The following PLEKHA2 variants were observed in gnomAD, a reference collection of about 807,000 sequenced individuals.
The protein encoded by PLEKHA2 is pleckstrin homology domain-containing family A member 2.
Under a neutral mutation model 53.2 loss-of-function variants are expected in PLEKHA2, and 28 were observed. The observed-to-expected ratio is 0.53, with a 90% CI of 0.39 to 0.72. The LOEUF is 0.72. Ranked by LOEUF, PLEKHA2 falls within the 30% of genes least tolerant of loss-of-function variation. PLEKHA2 has a pLI of 0.00. For synonymous variants in PLEKHA2, 193 were observed against 196.4 expected (o/e 0.98, Z 0.14); for missense variants, 426 against 537.9 (o/e 0.79, Z 2.06).
chr8:38,921,960 T>C (rs1834202356), intron 2 of PLEKHA2, among the ~76,000 whole-genome samples: 1 of 152,258 alleles, frequency 6.6e-6, no homozygotes, highest in African/African-American at 2.4e-5. Context: ...GAGCATTTAT[T>C]ACTGTGTGCC....
intron 1 of PLEKHA2, among the ~76,000 whole-genome samples, chr8:38,908,737 T>C (rs951251835): frequency 6.6e-6 from 1 of 152,242 alleles, no homozygotes; most frequent in Non-Finnish European, 1.5e-5. Flanking sequence ...TTCATATCTT[T>C]TAAAAAACTT....
chr8:38,930,575 A>G (rs1588248978), intron 2 of PLEKHA2, among the ~76,000 whole-genome samples: 1 of 152,206 alleles, frequency 6.6e-6, no homozygotes, highest in Non-Finnish European at 1.5e-5. Flanking sequence ...GAAGTCCACC[A>G]AATGTACAGA....
At position 38,969,435 on chromosome 8, in the gene PLEKHA2, T is replaced by C. The variant is rs1333374971; in HGVS notation, c.930T>C (p.Ser310=). 5 of 1,611,706 alleles carry C rather than the reference T, an allele frequency of 3.1e-6. No individual in the cohort carries two copies. In the South Asian group the frequency reaches 4.4e-5, roughly 14 times the overall value. Residue 310 remains serine (S), a synonymous_variant, in exon 12 of 12, where the codon TCT becomes TCC. Transcript: ENST00000617275. The part of the protein sequence containing the change: ...LKCHPRETSF[S]RSISLTRPGS... ...TATTTTTATAGGAAACGTCCTTTTC[T>C]AGATCCATTTCTTTGACCCGACCTG...
chr8:38,955,736 A>T (rs1297165756), intron 9 of PLEKHA2, among the ~76,000 whole-genome samples: 1 of 152,174 alleles, frequency 6.6e-6, no homozygotes, highest in East Asian at 1.9e-4. Flanking sequence ...CATAAAGCCA[A>T]CCCCACCTGT....
intron 11 of PLEKHA2, chr8:38,969,052 C>G (rs1415507688): frequency 9.7e-6 from 3 of 309,580 alleles, no homozygotes; most frequent in Non-Finnish European, 1.8e-5. Context: ...GCACGTGCCA[C>G]CACGCCCAGC....
At chr8:38,916,841 T>C (rs60626464) in intron 1 of PLEKHA2, among the ~76,000 whole-genome samples, 129,254 of 152,156 alleles carry the variant, frequency 0.85, 54,955 homozygotes, top group Admixed American at 0.87. Flanking sequence ...TTTTGAGGAA[T>C]CTCCAAACTG....
At chr8:38,945,216 A>G (rs970820911) in intron 4 of PLEKHA2, among the ~76,000 whole-genome samples, 4 of 152,234 alleles carry the variant, frequency 2.6e-5, no homozygotes, top group Non-Finnish European at 4.4e-5. Context: ...TCTGTTGCCT[A>G]TCTGGGGTGG....
chr8:38,936,752 C>A (rs1351396192), intron 3 of PLEKHA2, among the ~76,000 whole-genome samples: 2 of 152,234 alleles, frequency 1.3e-5, no homozygotes, highest in African/African-American at 4.8e-5. Context: ...CTGGAGCAGG[C>A]ACCACTGCTG....
chr8:38,946,741 T>A (rs1422960085), intron 5 of PLEKHA2, among the ~76,000 whole-genome samples: 1 of 152,238 alleles, frequency 6.6e-6, no homozygotes, highest in African/African-American at 2.4e-5. Flanking sequence ...GTGCTCTTTT[T>A]CCTTGAGTTG....
At chr8:38,966,421 T>C (rs1325188846) in intron 10 of PLEKHA2, among the ~76,000 whole-genome samples, 1 of 152,102 alleles carries the variant, frequency 6.6e-6, no homozygotes, top group African/African-American at 2.4e-5. Flanking sequence ...TGTTAGGGGA[T>C]GATGCTGGAG....
intron 2 of PLEKHA2, among the ~76,000 whole-genome samples, chr8:38,933,659 GT>G: frequency 6.6e-6 from 1 of 151,704 alleles, no homozygotes; most frequent in Non-Finnish European, 1.5e-5. Flanking sequence ...GCCCAGAGCG[GT>G]TCTCATTCCC....
chr8:38,932,870 C>T (rs944540205), intron 2 of PLEKHA2, among the ~76,000 whole-genome samples: 6 of 152,174 alleles, frequency 3.9e-5, no homozygotes, highest in Non-Finnish European at 8.8e-5. Flanking sequence ...ACAGTTGAGC[C>T]CAGGAGCAGA....
At chr8:38,938,423 G>T (rs1368501556) in intron 3 of PLEKHA2, among the ~76,000 whole-genome samples, 1 of 152,196 alleles carries the variant, frequency 6.6e-6, no homozygotes, top group Non-Finnish European at 1.5e-5. Context: ...CAGGGCAGAG[G>T]CCGCAGCAGA....
At chr8:38,914,233 C>G (rs1833998236) in intron 1 of PLEKHA2, among the ~76,000 whole-genome samples, 1 of 152,246 alleles carries the variant, frequency 6.6e-6, no homozygotes, top group African/African-American at 2.4e-5. Context: ...CTCCAGTCCC[C>G]CTGACCTCAC....
chr8:38,936,857 C>T (rs905140312), intron 3 of PLEKHA2, among the ~76,000 whole-genome samples: 2 of 152,246 alleles, frequency 1.3e-5, no homozygotes, highest in Non-Finnish European at 2.9e-5. Context: ...GGTGGCACCC[C>T]GCCAGCACTG....
At chr8:38,946,697 A>G (rs909027614) in intron 5 of PLEKHA2, among the ~76,000 whole-genome samples, 18 of 152,224 alleles carry the variant, frequency 1.2e-4, no homozygotes, top group African/African-American at 4.1e-4. Flanking sequence ...GTTTAAAAGC[A>G]TCACAGAGCT....
intron 8 of PLEKHA2, 121 bp downstream of exon 8, chr8:38,952,825 T>G (rs551525193): frequency 1.1e-6 from 1 of 946,874 alleles, no homozygotes; most frequent in Non-Finnish European, 1.6e-6. Context: ...CAAAGGCGCC[T>G]CTGTCTTATC....
At chr8:38,952,420 C>G in intron 7 of PLEKHA2, 108 bp downstream of exon 7, 1 of 1,469,708 alleles carries the variant, frequency 6.8e-7, no homozygotes. Flanking sequence ...CCTCAGTCCT[C>G]CATGGAGCCT....
rs151230246 is a variant in PLEKHA2, at chr8:38,922,148, C to A, written c.141+4078C>A. On this transcript the variant is annotated intron_variant, in intron 2 of 11. Transcript: ENST00000617275. This position sits in a 1 kb window ranked among gnomAD's most constrained non-coding sequence, Gnocchi z 4.0. ...ACCCCGGCAGTCTAACTCTAGTGCC[C>A]CTGCCATTATTGCTGATAATGAGAC... is the stretch of plus-strand genomic sequence containing the variant. 4.5e-4 allele frequency among the ~76,000 whole-genome samples: 69 copies of A among 152,246 alleles called. No homozygotes were observed. The highest frequency in any genetic ancestry group is 1.6e-3 in the African/African-American group (65 of 41,536).
Sources: allele counts gnomAD v4.1 joint callset (sites outside exome capture counted in the v4.1 genomes callset), GRCh38; gene constraint gnomAD v4.1.1; non-coding constraint Gnocchi (gnomAD v3.1); transcripts MANE v1.5; gene names NCBI Gene and HGNC (gene_info 2026-07-23, HGNC 2026-07-21).